Variants in SCAF11 observed in about 807,000 individuals in gnomAD.
SCAF11 encodes protein SCAF11.
Under a neutral mutation model 140.5 loss-of-function variants are expected in SCAF11, and 47 were observed. That is an observed-to-expected ratio of 0.33 (90% CI 0.26 to 0.43). The LOEUF is 0.43. SCAF11 is among the 20% of genes least tolerant of loss of function. SCAF11 has a pLI of 1.00. For synonymous variants in SCAF11, 557 were observed against 579.4 expected, an observed-to-expected ratio of 0.96 and a Z score of 0.55; for missense variants, 1,645 against 1,705.1, an observed-to-expected ratio of 0.96 and a Z score of 0.62.
At chr12:45,959,947 A>C (rs1445348282) in intron 3 of SCAF11, among the ~76,000 whole-genome samples, 1 of 152,190 alleles carries the variant, frequency 6.6e-6, no homozygotes, top group Non-Finnish European at 1.5e-5. Context: ...CACAGTTTAT[A>C]ATAGCAGCAT....
chr12:45,922,484 A>G lies in SCAF11; in HGVS notation c.4224T>C (p.Ile1408=), dbSNP rs1159638065. 1.2e-6 allele frequency: 2 copies of G among 1,603,362 alleles called. No homozygotes were observed. Among genetic ancestry groups the G allele is most frequent in the Non-Finnish European group, 8.5e-7 (1 of 1,178,128 alleles). ...KDITKEEYKE[I]VRKAVDKVCH... The stretch of plus-strand genomic sequence containing the variant: ...TTACTTTATCTACTGCTTTCCGTAC[A>G]ATTTCTTTATATTCTTCCTTGGTGA... Residue 1408 remains isoleucine, a synonymous_variant, in exon 14 of 15, where the codon ATT becomes ATC. Transcript: ENST00000369367.
intron 9 of SCAF11, 64 bp downstream of exon 9, chr12:45,933,067 G>A: frequency 9.5e-7 from 1 of 1,057,362 alleles, no homozygotes; most frequent in Non-Finnish European, 1.4e-6. Context: ...TTGTACTTAA[G>A]TACTAATGCT....
At chr12:45,964,622 G>A (rs773638755) in intron 1 of SCAF11, among the ~76,000 whole-genome samples, 3 of 151,472 alleles carry the variant, frequency 2.0e-5, no homozygotes, top group South Asian at 2.1e-4. Context: ...AGCCCAGATC[G>A]CGCCACTGCA....
chr12:45,924,722 A>G lies in SCAF11; in HGVS notation c.3906+6T>C. 6.3e-7 allele frequency: 1 copy of G among 1,597,754 alleles called. No homozygotes were observed. The highest frequency in any genetic ancestry group is 1.1e-5 in the South Asian group (1 of 90,098). On this transcript the variant is annotated splice_donor_region_variant and intron_variant, in intron 12 of 14. Transcript: ENST00000369367. ...ATTGATTAAACTTGAGTTGCTAAAA[A>G]CATACCTGCAATTGCTTTCCATCTG...
intron 1 of SCAF11, among the ~76,000 whole-genome samples, chr12:45,979,639 G>C (rs1946307086): frequency 6.6e-6 from 1 of 152,064 alleles, no homozygotes; most frequent in Admixed American, 6.6e-5. Flanking sequence ...CAATTATCTT[G>C]CACAGTGTAA....
At position 45,927,524 on chromosome 12, in the gene SCAF11, C is replaced by T; in HGVS notation, c.2177G>A (p.Ser726Asn). Residue 726 changes from serine to asparagine, a missense_variant, in exon 11 of 15, where the codon AGT (serine) becomes AAT (asparagine). Physicochemically the swap from Ser to Asn is conservative, Grantham distance 46. Around this residue, in one of 2 missense-constraint regions of SCAF11, gnomAD observed 1,582 missense variants for 1,609.2 expected, o/e 0.98. Coordinates refer to ENST00000369367, the MANE Select transcript of SCAF11 (RefSeq NM_004719.3). ...TTCAACTTCAGATTCATTTTGGTCACTGCAAAATGAATCACACTCCATAGG... is the reference window on the plus strand; with the variant it reads ...TTCAACTTCAGATTCATTTTGGTCATTGCAAAATGAATCACACTCCATAGG... ...MIPMECDSFCSDQNESEVEPS... is the reference protein window; with the variant it reads ...MIPMECDSFCNDQNESEVEPS... 2 of 1,613,586 alleles carry T rather than the reference C, an allele frequency of 1.2e-6. No individual in the cohort carries two copies. Among genetic ancestry groups the T allele is most frequent in the Non-Finnish European group, 8.5e-7 (1 of 1,179,896 alleles).
intron 3 of SCAF11, chr12:45,956,034 T>G: frequency 2.8e-6 from 2 of 702,278 alleles, no homozygotes; most frequent in Non-Finnish European, 5.2e-6. Context: ...CACCCTACTA[T>G]TCTGAAGCAT....
Position 45,990,452 on chromosome 12 carries a change from G to C in SCAF11, c.-121C>G. 8.1e-7 allele frequency: 1 copy of C among 1,231,560 alleles called. No individual in the cohort carries two copies. Among genetic ancestry groups the C allele is most frequent in the Non-Finnish European group, 1.0e-6 (1 of 988,014 alleles). 76.3% of individuals were successfully genotyped at this position (1,231,560 alleles called of 1,614,324 possible). ...CAAGTTCCCCAACATGGACTCCTTCGTCCGCTTTGTGGTGTTACAGGGTCT... is the reference window on the plus strand; with the variant it reads ...CAAGTTCCCCAACATGGACTCCTTCCTCCGCTTTGTGGTGTTACAGGGTCT... On this transcript the variant is annotated 5_prime_UTR_variant, in exon 1 of 15. Coordinates refer to ENST00000369367, the MANE Select transcript of SCAF11 (RefSeq NM_004719.3).
chr12:45,950,376 AC>A (rs1034501664), intron 4 of SCAF11, among the ~76,000 whole-genome samples: 2 of 152,194 alleles, frequency 1.3e-5, no homozygotes, highest in African/African-American at 4.8e-5. Flanking sequence ...GCCAAGAAAT[AC>A]CTTTTAAGTT....
At chr12:45,962,807 G>A (rs1281185981) in intron 2 of SCAF11, among the ~76,000 whole-genome samples, 2 of 152,180 alleles carry the variant, frequency 1.3e-5, no homozygotes, top group Non-Finnish European at 1.5e-5. Context: ...GTCCCAGCAT[G>A]GGCCTGGGAA....
chr12:45,927,126 T>A lies in SCAF11; in HGVS notation c.2575A>T (p.Arg859Trp). ...QSPKKDIARERRQSQSRSPKR... is the reference protein window; with the variant it reads ...QSPKKDIAREWRQSQSRSPKR... The stretch of plus-strand genomic sequence containing the variant: ...GGAGACCGAGACTGAGATTGCCTCC[T>A]TTCTCTTGCAATATCCTTTTTTGGG... Residue 859 changes from arginine to tryptophan, a missense_variant, in exon 11 of 15, where the codon AGG becomes TGG. This residue lies in a region of SCAF11 where 1,582 missense variants were observed against 1,609.2 expected (regional missense o/e 0.98). Transcript: ENST00000369367. The A allele has an allele frequency of 6.2e-7, 1 of 1,614,194 alleles. No homozygotes were observed. The highest frequency in any genetic ancestry group is 8.5e-7 in the Non-Finnish European group (1 of 1,180,018).
intron 1 of SCAF11, among the ~76,000 whole-genome samples, chr12:45,983,553 T>TA (rs1354735468): frequency 1.3e-5 from 2 of 152,036 alleles, no homozygotes; most frequent in Non-Finnish European, 2.9e-5. Context: ...AATCACCCAC[T>TA]AAACAAAGCT....
At position 45,934,176 on chromosome 12, in the gene SCAF11, C is replaced by A; in HGVS notation, c.632G>T (p.Cys211Phe). 2 of 1,487,044 alleles carry A rather than the reference C, an allele frequency of 1.3e-6. No individual in the cohort carries two copies. Among genetic ancestry groups the A allele is most frequent in the South Asian group, 1.2e-5 (1 of 82,212 alleles). 92.1% of individuals were successfully genotyped at this position (1,487,044 alleles called of 1,614,324 possible). ...GESSFTYRAYCTEFIEASEIS... is the reference protein window; with the variant it reads ...GESSFTYRAYFTEFIEASEIS... Reference sequence around the variant, plus strand: ...TAAATTAAAAGTAGAAAATACTAACCAATAAGCTCTATAGGTAAAGGAAGA... The same window carrying A: ...TAAATTAAAAGTAGAAAATACTAACAAATAAGCTCTATAGGTAAAGGAAGA... Residue 211 changes from cysteine to phenylalanine, a missense_variant and splice_region_variant, in exon 8 of 15, where the codon TGT becomes TTT. Cys to Phe is a radical substitution (Grantham distance 205). Coordinates refer to ENST00000369367, the MANE Select transcript of SCAF11 (RefSeq NM_004719.3).
intron 1 of SCAF11, among the ~76,000 whole-genome samples, chr12:45,985,121 T>C (rs199609774): frequency 4.3e-4 from 65 of 152,350 alleles, no homozygotes; most frequent in East Asian, 3.9e-3. Flanking sequence ...AAAACAAGAT[T>C]TGGATGCTCT....
intron 1 of SCAF11, among the ~76,000 whole-genome samples, chr12:45,988,444 A>C (rs1387161755): frequency 1.3e-5 from 2 of 152,214 alleles, no homozygotes; most frequent in African/African-American, 2.4e-5. Context: ...GATTCATCCT[A>C]TCTCTGCTGA....
At chr12:45,976,326 A>G (rs1193583580) in intron 1 of SCAF11, among the ~76,000 whole-genome samples, 1 of 152,172 alleles carries the variant, frequency 6.6e-6, no homozygotes, top group East Asian at 1.9e-4. Context: ...GTACAGTAAG[A>G]TATTTTCAGA....
chr12:45,956,314 T>C (rs879265366), intron 3 of SCAF11: 8 of 608,004 alleles, frequency 1.3e-5, no homozygotes, highest in Admixed American at 3.0e-5. Flanking sequence ...ACTAACAAAA[T>C]AGAGCATGTT....
chr12:45,984,814 C>T (rs1352108972), intron 1 of SCAF11, among the ~76,000 whole-genome samples: 1 of 152,006 alleles, frequency 6.6e-6, no homozygotes. Context: ...TGTGCCTCAG[C>T]CTCCCATGTA....
intron 1 of SCAF11, among the ~76,000 whole-genome samples, chr12:45,987,837 T>C (rs1013882912): frequency 1.3e-5 from 2 of 152,190 alleles, no homozygotes; most frequent in Admixed American, 6.5e-5. Flanking sequence ...TTAAAGACTG[T>C]AGATCAGCAA....
Sources: gnomAD v4.1 joint callset for allele counts (sites outside exome capture counted in the v4.1 genomes callset) on GRCh38, gnomAD v4.1.1 for gene constraint, gnomAD v4.1.1 regional missense constraint, MANE v1.5 for transcripts, NCBI Gene and HGNC (gene_info 2026-07-23, HGNC 2026-07-21) for gene names.